AFP: variants seen among roughly 807,000 people sequenced by gnomAD.
AFP encodes the protein alpha-fetoprotein.
AFP carries 64 observed loss-of-function variants against 78.9 expected under a neutral mutation model. The observed-to-expected ratio is 0.81, with a 90% CI of 0.66 to 1.00. The LOEUF (loss-of-function observed/expected upper bound fraction) is 1.00. Among genes scored for constraint, AFP ranks in the 50% least tolerant of loss-of-function variants. The pLI is 0.00. For missense variants in AFP, 689 were observed against 703.8 expected (o/e 0.98, Z 0.24); for synonymous variants, 254 against 243.8 (o/e 1.04, Z -0.39).
rs896811022 is a variant in AFP, at chr4:73,442,508, G to A, written c.615+80G>A. ...ACAAAACAAAGTTAAAAATGAAAAC[G>A]TGCTTAATTGTGGAGAGTATCGTTT... On this transcript the variant is annotated intron_variant, in intron 5 of 14. Transcript: ENST00000395792. 5.3e-6 allele frequency: 8 copies of A among 1,513,358 alleles called. No individual in the cohort carries two copies. In the African/African-American group the frequency reaches 6.9e-5, roughly 13 times the overall value. The allele number at this position is 1,513,358 out of a possible 1,614,324, so 93.7% of individuals were successfully genotyped here. A position where few individuals can be genotyped will look rare whatever the true frequency, so the allele number is the denominator to read the frequency against.
intron 9 of AFP, 54 bp from the exon 10 acceptor site, chr4:73,449,982 A>G (rs1270896550): frequency 2.6e-6 from 3 of 1,170,652 alleles, no homozygotes; most frequent in African/African-American, 1.5e-5. Flanking sequence ...TTTATATACA[A>G]AGTTATGCAT....
chr4:73,447,755 A>T (rs1332633195), intron 8 of AFP, 79 bp downstream of exon 8: 2 of 1,225,030 alleles, frequency 1.6e-6, no homozygotes, highest in Non-Finnish European at 1.2e-6. Context: ...TGAAATGGAG[A>T]GTGATGATTA....
chr4:73,438,331 AT>A, intron 3 of AFP, 25 bp downstream of exon 3: 1 of 1,596,204 alleles, frequency 6.3e-7, no homozygotes, highest in Non-Finnish European at 8.6e-7. Flanking sequence ...TTAAAAAAGC[AT>A]TGTGATATTT....
chr4:73,453,002 T>C (rs529835164), intron 12 of AFP, among the ~76,000 whole-genome samples: 1 of 152,308 alleles, frequency 6.6e-6, no homozygotes, highest in African/African-American at 2.4e-5. Context: ...TTTTACACTA[T>C]TTACACTTTG....
chr4:73,442,565 A>G, intron 5 of AFP, 137 bp downstream of exon 5: 1 of 1,026,964 alleles, frequency 9.7e-7, no homozygotes, highest in Non-Finnish European at 1.5e-6. Flanking sequence ...GCAGTCTGAT[A>G]TTCTTCGAGT....
chr4:73,440,748 C>T lies in AFP; in HGVS notation c.417C>T (p.Phe139=). 12 of 1,614,186 alleles carry T rather than the reference C, an allele frequency of 7.4e-6. No individual in the cohort carries two copies. Among genetic ancestry groups the T allele is most frequent in the Non-Finnish European group, 8.5e-6 (10 of 1,180,034 alleles). ...CCACTCCAGCATCGATCCCACTTTT[C>T]CAAGTTCCAGAACCTGTCACAAGCT... is the stretch of plus-strand genomic sequence containing the variant. ...KKPTPASIPL[F]QVPEPVTSCE... The change falls in exon 4 of 15, where the codon TTC becomes TTT. Residue 139 remains phenylalanine, a synonymous_variant. Coordinates refer to ENST00000395792, the MANE Select transcript of AFP (RefSeq NM_001134.3).
chr4:73,443,649 C>G (rs1041581815), intron 6 of AFP, among the ~76,000 whole-genome samples: 5 of 152,104 alleles, frequency 3.3e-5, no homozygotes, highest in Non-Finnish European at 7.4e-5. Context: ...TTACTAAAGC[C>G]TAGCTGAGAT....
At position 73,452,538 on chromosome 4, in the gene AFP, C is replaced by G; in HGVS notation, c.1566C>G (p.Val522=). The G allele has an allele frequency of 6.2e-7, 1 of 1,614,058 alleles. No individual in the cohort carries two copies. Among genetic ancestry groups the G allele is most frequent in the Non-Finnish European group, 8.5e-7 (1 of 1,179,952 alleles). ...GCTTGGTGGTGGATGAAACATATGT[C>G]CCTCCTGCATTCTCTGATGACAAGT... ...FSSLVVDETY[V]PPAFSDDKFI... is the part of the protein sequence containing the mutation. The change falls in exon 12 of 15, where the codon GTC becomes GTG. Residue 522 remains valine, a synonymous_variant. Transcript: ENST00000395792.
intron 7 of AFP, among the ~76,000 whole-genome samples, chr4:73,446,195 A>G (rs1719819381): frequency 6.6e-6 from 1 of 152,202 alleles, no homozygotes; most frequent in Non-Finnish European, 1.5e-5. Context: ...AGGCGACTGT[A>G]CTACTTTACT....
At chr4:73,453,627 CAAG>C in intron 12 of AFP, 135 bp from the exon 13 acceptor site, 1 of 938,486 alleles carries the variant, frequency 1.1e-6, no homozygotes, top group East Asian at 2.7e-5. Flanking sequence ...AAGTACTAGA[CAAG>C]GTGTGTGTGG....
intron 6 of AFP, 108 bp from the exon 7 acceptor site, chr4:73,444,885 T>A (rs1356358457): frequency 2.0e-6 from 2 of 980,076 alleles, no homozygotes; most frequent in Non-Finnish European, 2.9e-6. Context: ...AACAAGGGAA[T>A]TTCAGTCATT....
intron 4 of AFP, among the ~76,000 whole-genome samples, chr4:73,441,971 C>A (rs1028483268): frequency 5.3e-5 from 8 of 152,154 alleles, no homozygotes; most frequent in African/African-American, 1.4e-4. Flanking sequence ...CTTTGCTGAT[C>A]CCTGAAACAT....
rs1056838247 is a variant in AFP at position 73,452,177 on chromosome 4, A to G, written c.1429-224A>G. 3.9e-5 allele frequency among the ~76,000 whole-genome samples: 6 copies of G among 152,322 alleles called. No individual in the cohort carries two copies. In the South Asian group the frequency reaches 1.2e-3, roughly 32 times the overall value. On this transcript the variant is annotated intron_variant, in intron 11 of 14. Transcript: ENST00000395792. ...GCTAAATGACTATCCTCAACATCAC[A>G]TATGGACCATCTGCTACTACTTGCT...
At chr4:73,441,955 G>A (rs887099586) in intron 4 of AFP, among the ~76,000 whole-genome samples, 2 of 152,204 alleles carry the variant, frequency 1.3e-5, no homozygotes, top group African/African-American at 4.8e-5. Flanking sequence ...CTTAGCAGAA[G>A]TCTGGCTTTG....
rs1023364158 is a variant in AFP at position 73,453,561 on chromosome 4, A to G, written c.1653-204A>G. 1.0e-5 allele frequency: 6 copies of G among 598,696 alleles called. No homozygotes were observed. The African/African-American group carries it at 1.1e-4, about 11-fold the overall frequency. The allele number at this position is 598,696 out of a possible 1,614,324, so 37.1% of individuals were successfully genotyped here. On this transcript the variant is annotated intron_variant, in intron 12 of 14. Coordinates refer to ENST00000395792, the MANE Select transcript of AFP (RefSeq NM_001134.3). ...AAATAGTGTTTTATCCACAACCTGC[A>G]CAACTCCAGGCTGGTGGAACACTTG... is the stretch of plus-strand genomic sequence containing the variant.
intron 8 of AFP, among the ~76,000 whole-genome samples, chr4:73,447,942 T>G (rs1719882030): frequency 6.6e-6 from 1 of 152,144 alleles, no homozygotes. Context: ...CATCAATTTC[T>G]CTGGAATCAG....
At chr4:73,449,204 T>A (rs1719915402) in intron 8 of AFP, 131 bp from the exon 9 acceptor site, 2 of 821,708 alleles carry the variant, frequency 2.4e-6, no homozygotes, top group Non-Finnish European at 3.8e-6. Context: ...TCAAATCATA[T>A]TTGATTTTCA....
chr4:73,455,394 A>G (rs887904538), intron 14 of AFP, 104 bp downstream of exon 14: 9 of 985,668 alleles, frequency 9.1e-6, no homozygotes, highest in African/African-American at 8.2e-5. Context: ...TCTTAAAAAT[A>G]CATGGAATTC....
chr4:73,453,936 G>A (rs1194084093), intron 13 of AFP, 39 bp downstream of exon 13: 3 of 1,612,066 alleles, frequency 1.9e-6, no homozygotes, highest in Non-Finnish European at 2.5e-6. Context: ...TACTTGCTAT[G>A]GAATTTTCTG....
Sources: allele counts gnomAD v4.1 joint callset (sites outside exome capture counted in the v4.1 genomes callset), GRCh38; gene constraint gnomAD v4.1.1; transcripts MANE v1.5; gene names NCBI Gene and HGNC (gene_info 2026-07-23, HGNC 2026-07-21).